The following NEDD8 variants were observed in gnomAD, a reference collection of about 807,000 sequenced individuals.
NEDD8 encodes the protein NEDD8 ubiquitin like modifier.
A neutral mutation model predicts 13.8 loss-of-function variants in NEDD8; 1 was observed. The ratio of observed to expected loss-of-function variants is 0.07; its 90% CI spans 0.03 to 0.34. The LOEUF is 0.34. Among genes scored for constraint, NEDD8 ranks in the 10% least tolerant of loss-of-function variants. NEDD8 has a pLI of 0.99. For missense variants in NEDD8, 10 were observed against 95.2 expected, an observed-to-expected ratio of 0.10 and a Z score of 3.73; for synonymous variants, 31 against 33.2, an observed-to-expected ratio of 0.93 and a Z score of 0.23.
chr14:24,227,989 G>C (rs1452988126), intron 1 of NEDD8: 1 of 152,306 alleles, frequency 6.6e-6, no homozygotes, highest in Non-Finnish European at 1.5e-5. Flanking sequence ...CCAGCTACTT[G>C]GGAGGCTGAG....
At chr14:24,231,732 T>C (rs2040031081) in intron 1 of NEDD8, 1 of 153,558 alleles carries the variant, frequency 6.5e-6, no homozygotes, top group Non-Finnish European at 1.5e-5. Context: ...CTCCCCGCTT[T>C]GGTTCCTGTA....
intron 3 of NEDD8, 51 bp from the exon 4 acceptor site, chr14:24,217,274 TTTGTTGTTGTTGTTG>T (rs149980708): frequency 1.2e-5 from 14 of 1,206,088 alleles, no homozygotes; most frequent in Admixed American, 2.3e-5. Context: ...TTAGGAGTTT[TTTGTTGTTGTTGTTG>T]TTGTTGTTGT....
At chr14:24,227,397 G>C (rs1439753165) in intron 1 of NEDD8, 1 of 152,192 alleles carries the variant, frequency 6.6e-6, no homozygotes, top group African/African-American at 2.4e-5. Context: ...TGTACGTCAT[G>C]TCTTGGTTTA....
chr14:24,225,483 G>T (rs4982872), intron 1 of NEDD8, among the ~76,000 whole-genome samples: 129,581 of 152,174 alleles, frequency 0.85, 55,562 homozygotes, highest in Admixed American at 0.9. Context: ...GAAATATGTA[G>T]GAATAACATA....
At chr14:24,224,384 TG>T (rs993306268) in intron 1 of NEDD8, among the ~76,000 whole-genome samples, 2 of 152,136 alleles carry the variant, frequency 1.3e-5, no homozygotes, top group African/African-American at 4.8e-5. Flanking sequence ...TTTGTAGAGA[TG>T]GGGTCTCGAA....
chr14:24,227,920 C>T (rs539953958), intron 1 of NEDD8: 1 of 152,158 alleles, frequency 6.6e-6, no homozygotes, highest in East Asian at 1.9e-4. Flanking sequence ...CATGGTGAAA[C>T]CCCACCTCTA....
At chr14:24,226,018 GAC>G (rs528096836) in intron 1 of NEDD8, among the ~76,000 whole-genome samples, 10 of 149,422 alleles carry the variant, frequency 6.7e-5, no homozygotes, top group Admixed American at 6.7e-4. Context: ...CAGCCTGGGT[GAC>G]AGAGTGAGAC....
intron 1 of NEDD8, among the ~76,000 whole-genome samples, chr14:24,221,590 AT>A (rs1207854949): frequency 6.6e-6 from 1 of 151,034 alleles, no homozygotes; most frequent in African/African-American, 2.4e-5. Flanking sequence ...GATAATACAA[AT>A]TTTTATTTAT....
At chr14:24,218,688 A>AC in intron 1 of NEDD8, 2 of 565,456 alleles carry the variant, frequency 3.5e-6, no homozygotes, top group Non-Finnish European at 6.3e-6. Context: ...TTCCAACATC[A>AC]GTCCCCCAAA....
chr14:24,221,797 T>C (rs1379162968), intron 1 of NEDD8, among the ~76,000 whole-genome samples: 5 of 151,862 alleles, frequency 3.3e-5, no homozygotes, highest in Non-Finnish European at 4.4e-5. Context: ...GGTTTCTCCA[T>C]ATTGGTCAGG....
intron 1 of NEDD8, chr14:24,231,957 G>A (rs2040040994): frequency 7.3e-6 from 3 of 411,854 alleles, no homozygotes; most frequent in Non-Finnish European, 8.7e-6. Flanking sequence ...TATGACTGCG[G>A]GGGTTCGAAT....
chr14:24,230,443 G>A (rs1324737984), intron 1 of NEDD8, among the ~76,000 whole-genome samples: 6 of 139,534 alleles, frequency 4.3e-5, no homozygotes, highest in Admixed American at 7.4e-5. Flanking sequence ...GCTGAGGCAG[G>A]AGAATGGCAT....
chr14:24,225,764 C>T (rs961718330), intron 1 of NEDD8, among the ~76,000 whole-genome samples: 27 of 152,152 alleles, frequency 1.8e-4, no homozygotes, highest in African/African-American at 5.1e-4. Flanking sequence ...CTAGACAGGG[C>T]GCGGTGGCTC....
At chr14:24,230,534 CA>C (rs1181616079) in intron 1 of NEDD8, among the ~76,000 whole-genome samples, 2,336 of 64,968 alleles carry the variant, frequency 0.036, 51 homozygotes, top group African/African-American at 0.12. Context: ...GACTCTGTCT[CA>C]AAAAAAAAAA....
intron 1 of NEDD8, among the ~76,000 whole-genome samples, chr14:24,226,309 T>C (rs1331665479): frequency 6.6e-6 from 1 of 151,704 alleles, no homozygotes. Flanking sequence ...ATGGCCAACA[T>C]GGCAAAACCC....
At chr14:24,218,241 C>T (rs773311447) in intron 2 of NEDD8, 26 bp from the exon 3 acceptor site, 1 of 1,614,152 alleles carries the variant, frequency 6.2e-7, no homozygotes, top group Non-Finnish European at 8.5e-7. Context: ...TAGTCAGGGG[C>T]TGCTGCTTAG....
intron 1 of NEDD8, among the ~76,000 whole-genome samples, chr14:24,221,894 C>T (rs1034451763): frequency 6.6e-6 from 1 of 152,168 alleles, no homozygotes; most frequent in Admixed American, 6.5e-5. Flanking sequence ...CCGCACCCGA[C>T]CACAAATTTT....
intron 1 of NEDD8, among the ~76,000 whole-genome samples, chr14:24,230,103 A>AT (rs1266753044): frequency 6.6e-6 from 1 of 151,068 alleles, no homozygotes; most frequent in Non-Finnish European, 1.5e-5. Context: ...GTTTCTCAAG[A>AT]TTTTGACAGT....
At position 24,218,445 on chromosome 14, in the gene NEDD8, T is replaced by C; in HGVS notation, c.19-14A>G. ...TCCGGTCAGCGTCTGAAACAGGCAA[T>C]GGTTTCATGAGTCCTTAAAGCCCAA... is the stretch of plus-strand genomic sequence containing the variant. On this transcript the variant is annotated splice_polypyrimidine_tract_variant and intron_variant, in intron 1 of 3. Coordinates refer to ENST00000250495, the MANE Select transcript of NEDD8 (RefSeq NM_006156.3). 6.2e-7 allele frequency: 1 copy of C among 1,614,246 alleles called. No individual in the cohort carries two copies. The highest frequency in any genetic ancestry group is 8.5e-7 in the Non-Finnish European group (1 of 1,180,050).
Sources: allele counts gnomAD v4.1 joint callset (sites outside exome capture counted in the v4.1 genomes callset), GRCh38; gene constraint gnomAD v4.1.1; transcripts MANE v1.5; gene names NCBI Gene and HGNC (gene_info 2026-07-23, HGNC 2026-07-21).